SLC38A7: variants seen among roughly 807,000 people sequenced by gnomAD.
The protein encoded by SLC38A7 is sodium-coupled neutral amino acid transporter 7.
A neutral mutation model predicts 50.1 loss-of-function variants in SLC38A7; 29 were observed. That is an observed-to-expected ratio of 0.58 (90% CI 0.43 to 0.79). The LOEUF is 0.79. Ranked by LOEUF, SLC38A7 falls within the 30% of genes least tolerant of loss-of-function variation. SLC38A7 has a pLI of 0.00. For synonymous variants in SLC38A7, 244 were observed against 245.9 expected (o/e 0.99, Z 0.07); for missense variants, 483 against 610.6 (o/e 0.79, Z 2.20).
chr16:58,678,886 C>G lies in SLC38A7; in HGVS notation c.279G>C (p.Leu93=), dbSNP rs1341134555. ...TGACAAGGCCACTGATGATGAAAAC[C>G]AGCATACCCTGCAGGCAGAGGCAGA... ...AAGIALQMGM[L]VFIISGLVIL... is the part of the protein sequence containing the mutation. Residue 93 remains leucine, a synonymous_variant, in exon 4 of 12, where the codon CTG becomes CTC. Transcript: ENST00000219320. This position sits in a 1 kb window ranked among gnomAD's most constrained non-coding sequence, Gnocchi z 4.0. 1 of 1,613,158 alleles carries G rather than the reference C, an allele frequency of 6.2e-7. No homozygotes were observed. The highest frequency in any genetic ancestry group is 1.1e-5 in the South Asian group (1 of 91,066).
At chr16:58,676,583 C>T (rs1397670204) in intron 6 of SLC38A7, among the ~76,000 whole-genome samples, 1 of 152,194 alleles carries the variant, frequency 6.6e-6, no homozygotes, top group Non-Finnish European at 1.5e-5. Context: ...ATTCCTGGCT[C>T]CTGGACTGGG....
rs1391547693 is a variant in SLC38A7 at position 58,678,095 on chromosome 16, C to T, written c.611+238G>A. Reference sequence around the variant, plus strand: ...GACAAGGGCACTTAGAACTGAACTACTCATGGATGCAAAAGGACATTTAGA... The same window carrying T: ...GACAAGGGCACTTAGAACTGAACTATTCATGGATGCAAAAGGACATTTAGA... On this transcript the variant is annotated intron_variant, in intron 5 of 11. Transcript: ENST00000219320. This position sits in a 1 kb window ranked among gnomAD's most constrained non-coding sequence, Gnocchi z 4.0. 1.3e-5 allele frequency among the ~76,000 whole-genome samples: 2 copies of T among 152,190 alleles called. No individual in the cohort carries two copies. Among genetic ancestry groups the T allele is most frequent in the Non-Finnish European group, 2.9e-5 (2 of 68,046 alleles).
chr16:58,671,314 C>T, intron 9 of SLC38A7, 70 bp from the exon 10 acceptor site: 1 of 1,510,930 alleles, frequency 6.6e-7, no homozygotes, highest in East Asian at 2.4e-5. Flanking sequence ...CTCACAGGAG[C>T]CAGACCCCTA....
At chr16:58,672,357 T>C in intron 8 of SLC38A7, 114 bp from the exon 9 acceptor site, 1 of 1,155,014 alleles carries the variant, frequency 8.7e-7, no homozygotes, top group Non-Finnish European at 1.2e-6. Flanking sequence ...TCTGGACACT[T>C]AGACGGAGGC....
intron 11 of SLC38A7, 100 bp downstream of exon 11, chr16:58,670,013 G>C: frequency 4.0e-6 from 4 of 991,632 alleles, no homozygotes; most frequent in Middle Eastern, 2.2e-4. Flanking sequence ...TGATTTCTAA[G>C]TACACAAGCC....
chr16:58,667,247 G>A lies in SLC38A7; in HGVS notation c.*138C>T, dbSNP rs2044055472. 1.2e-6 allele frequency: 1 copy of A among 848,958 alleles called. No individual in the cohort carries two copies. Among genetic ancestry groups the A allele is most frequent in the Admixed American group, 2.2e-5 (1 of 45,776 alleles). 52.6% of individuals were successfully genotyped at this position (848,958 alleles called of 1,614,324 possible). A position where few individuals can be genotyped will look rare whatever the true frequency, so the allele number is the denominator to read the frequency against. On this transcript the variant is annotated 3_prime_UTR_variant, in exon 12 of 12. Transcript: ENST00000219320. ...GTCCAGAGGTGTGGGGCCTGAGTTT[G>A]CCCCAGTCCCTGGAAGAGGATGTCC...
At chr16:58,677,541 G>T in intron 5 of SLC38A7, 117 bp from the exon 6 acceptor site, 5 of 838,056 alleles carry the variant, frequency 6.0e-6, no homozygotes, top group South Asian at 1.5e-5. Context: ...ATGAACCGGA[G>T]ACTATGCCAA....
chr16:58,675,985 C>T lies in SLC38A7; in HGVS notation c.838G>A (p.Val280Met). The T allele has an allele frequency of 2.5e-6, 4 of 1,613,746 alleles. No individual in the cohort carries two copies. The highest frequency in any genetic ancestry group is 3.4e-6 in the Non-Finnish European group (4 of 1,179,886). The stretch of plus-strand genomic sequence containing the variant: ...AGGGCTATGACCATGGCAGCTGTCA[C>T]CACTCCACCCCAGGTCTTCACTTCA... ...QPEVKTWGGV[V>M]TAAMVIALAV... The change falls in exon 8 of 12, where the codon GTG becomes ATG. Residue 280 changes from valine to methionine, a missense_variant. Coordinates refer to ENST00000219320, the MANE Select transcript of SLC38A7 (RefSeq NM_018231.3).
rs1419301085 is a variant in SLC38A7, at chr16:58,667,118, T to C, written c.*267A>G. On this transcript the variant is annotated 3_prime_UTR_variant, in exon 12 of 12. Coordinates refer to ENST00000219320, the MANE Select transcript of SLC38A7 (RefSeq NM_018231.3). ...CCGTGGATTCCAGGCATGGAGAAGT[T>C]GAGAACTGGGAGAGGAGGAGGGGTC... The C allele has an allele frequency of 7.8e-6, 4 of 511,310 alleles. No homozygotes were observed. The highest frequency in any genetic ancestry group is 1.0e-5 in the Non-Finnish European group (3 of 288,338). 31.7% of individuals were successfully genotyped at this position (511,310 alleles called of 1,614,324 possible). A position where few individuals can be genotyped will look rare whatever the true frequency, so the allele number is the denominator to read the frequency against.
chr16:58,675,930 G>A lies in SLC38A7; in HGVS notation c.883+10C>T, dbSNP rs560244127. 410 of 1,583,818 alleles carry A rather than the reference G, an allele frequency of 2.6e-4. 1 individual carries two copies. Among genetic ancestry groups the A allele is most frequent in the South Asian group, 6.9e-4 (61 of 88,348 alleles). On this transcript the variant is annotated intron_variant, in intron 8 of 11. Coordinates refer to ENST00000219320, the MANE Select transcript of SLC38A7 (RefSeq NM_018231.3). ...TCTAGTCCCAGGTCTTGGGGGGGGG[G>A]AGCACTCACCTGTCCCCATGTAGAC...
At chr16:58,669,772 C>CGAGGAAG (rs2044122462) in intron 11 of SLC38A7, among the ~76,000 whole-genome samples, 1 of 151,624 alleles carries the variant, frequency 6.6e-6, no homozygotes, top group Non-Finnish European at 1.5e-5. Context: ...GTCAGGAGTT[C>CGAGGAAG]GAGACCGGCC....
Position 58,667,151 on chromosome 16 carries a change from A to G in SLC38A7, c.*234T>C. ...GGGAGAGGAGGAGGGGTCCTCTATGATGTGAGACTTCCTGCCGCCATCCAC... is the reference window on the plus strand; with the variant it reads ...GGGAGAGGAGGAGGGGTCCTCTATGGTGTGAGACTTCCTGCCGCCATCCAC... On this transcript the variant is annotated 3_prime_UTR_variant, in exon 12 of 12. Transcript: ENST00000219320. 1 of 526,812 alleles carries G rather than the reference A, an allele frequency of 1.9e-6. No individual in the cohort carries two copies. Among genetic ancestry groups the G allele is most frequent in the African/African-American group, 1.9e-5 (1 of 51,932 alleles). 32.6% of individuals were successfully genotyped at this position (526,812 alleles called of 1,614,324 possible). A position where few individuals can be genotyped will look rare whatever the true frequency, so the allele number is the denominator to read the frequency against.
chr16:58,684,035 C>T lies in SLC38A7; in HGVS notation c.-196G>A, dbSNP rs1034621944. 1 of 152,378 alleles carries T rather than the reference C, an allele frequency of 6.6e-6. No homozygotes were observed. Among genetic ancestry groups the T allele is most frequent in the African/African-American group, 2.4e-5 (1 of 41,470 alleles). 9.4% of individuals were successfully genotyped at this position (152,378 alleles called of 1,614,324 possible). On this transcript the variant is annotated 5_prime_UTR_variant, in exon 2 of 12. Coordinates refer to ENST00000219320, the MANE Select transcript of SLC38A7 (RefSeq NM_018231.3). The stretch of plus-strand genomic sequence containing the variant: ...GTCTGGGATCTGATTCTCCTCACTT[C>T]CCTTTCTGGACCCAATTTCTTCTTT...
At chr16:58,677,973 A>G (rs1014051445) in intron 5 of SLC38A7, among the ~76,000 whole-genome samples, 7 of 151,624 alleles carry the variant, frequency 4.6e-5, no homozygotes. Flanking sequence ...AGCTGCAGGT[A>G]AGATGCTGGT....
At position 58,677,592 on chromosome 16, in the gene SLC38A7, C is replaced by A. The variant is rs78760188; in HGVS notation, c.612-168G>T. 1.0e-3 allele frequency: 631 copies of A among 615,152 alleles called. 4 individuals are homozygous for A. In the East Asian group the frequency reaches 0.016, roughly 16 times the overall value. The allele number at this position is 615,152 out of a possible 1,614,324, so 38.1% of individuals were successfully genotyped here. On this transcript the variant is annotated intron_variant, in intron 5 of 11. Coordinates refer to ENST00000219320, the MANE Select transcript of SLC38A7 (RefSeq NM_018231.3). Reference sequence around the variant, plus strand: ...GCCTGAGAAGTAGTTTCAGAGAAACCTGCCACAGCTAGGAAGGAGCTGGAC... The same window carrying A: ...GCCTGAGAAGTAGTTTCAGAGAAACATGCCACAGCTAGGAAGGAGCTGGAC...
At chr16:58,668,350 G>A (rs531841649) in intron 11 of SLC38A7, among the ~76,000 whole-genome samples, 6 of 151,918 alleles carry the variant, frequency 3.9e-5, no homozygotes, top group Non-Finnish European at 5.9e-5. Flanking sequence ...CAAGGTGGGC[G>A]GATCACCTGA....
intron 10 of SLC38A7, 36 bp downstream of exon 10, chr16:58,671,009 T>C (rs767995517): frequency 1.9e-6 from 3 of 1,556,964 alleles, no homozygotes; most frequent in South Asian, 1.2e-5. Flanking sequence ...GAGTCTGTGC[T>C]GTGGGGCTGT....
Position 58,678,088 on chromosome 16 carries a change from TG to T in SLC38A7, c.611+244del, listed in dbSNP as rs1456602143. On this transcript the variant is annotated intron_variant, in intron 5 of 11. Coordinates refer to ENST00000219320, the MANE Select transcript of SLC38A7 (RefSeq NM_018231.3). This position sits in a 1 kb window ranked among gnomAD's most constrained non-coding sequence, Gnocchi z 4.0. ...CTTCTTTGACAAGGGCACTTAGAACTGAACTACTCATGGATGCAAAAGGACA... is the reference window on the plus strand; with the variant it reads ...CTTCTTTGACAAGGGCACTTAGAACTAACTACTCATGGATGCAAAAGGACA... 6.6e-6 allele frequency among the ~76,000 whole-genome samples: 1 copy of T among 152,170 alleles called. No individual in the cohort carries two copies. The highest frequency in any genetic ancestry group is 1.5e-5 in the Non-Finnish European group (1 of 68,036).
At chr16:58,668,463 T>C (rs2044087745) in intron 11 of SLC38A7, among the ~76,000 whole-genome samples, 1 of 152,076 alleles carries the variant, frequency 6.6e-6, no homozygotes, top group East Asian at 1.9e-4. Flanking sequence ...TAATCCCAGA[T>C]ACCCTGGAGG....
Sources: allele counts gnomAD v4.1 joint callset (sites outside exome capture counted in the v4.1 genomes callset), GRCh38; gene constraint gnomAD v4.1.1; non-coding constraint Gnocchi (gnomAD v3.1); transcripts MANE v1.5; gene names NCBI Gene and HGNC (gene_info 2026-07-23, HGNC 2026-07-21).